DHRS2: variants seen among roughly 807,000 people sequenced by gnomAD.
DHRS2 encodes the protein dehydrogenase/reductase SDR family member 2, mitochondrial.
A neutral mutation model predicts 26.3 loss-of-function variants in DHRS2; 29 were observed. That is an observed-to-expected ratio of 1.10 (90% CI 0.82 to 1.50). The LOEUF is 1.50. Ranked by LOEUF, DHRS2 falls within the 40% of genes most tolerant of loss-of-function variation. DHRS2 has a pLI of 0.00. For missense variants in DHRS2, 439 were observed against 367.1 expected (o/e 1.20, Z -1.60); for synonymous variants, 164 against 151.3 (o/e 1.08, Z -0.62).
chr14:23,631,751 C>A (rs1378943869), upstream of DHRS2, among the ~76,000 whole-genome samples: 2 of 152,158 alleles, frequency 1.3e-5, no homozygotes, highest in African/African-American at 4.8e-5. Flanking sequence ...CTCCCAGGAC[C>A]TGTGGTCAAT....
intron 1 of DHRS2, chr14:23,638,430 G>C (rs962367987): frequency 4.8e-5 from 9 of 185,988 alleles, no homozygotes; most frequent in Non-Finnish European, 8.9e-5. Context: ...ATAATTATTT[G>C]TTGGTGCCTG....
At chr14:23,644,039 T>C in intron 5 of DHRS2, 72 bp from the exon 6 acceptor site, 1 of 1,461,524 alleles carries the variant, frequency 6.8e-7, no homozygotes. Flanking sequence ...CATCATTTAA[T>C]GAACTCATGA....
In DHRS2 at chr14:23,638,982, G is replaced by A. The variant is rs369492474; in HGVS notation, c.118G>A (p.Val40Met). Reference sequence around the variant, plus strand: ...GGGCGTCCTGGCTAACCGGGTAGCCGTGGTCACGGGGTCCACCAGTGGGTG... The same window carrying A: ...GGGCGTCCTGGCTAACCGGGTAGCCATGGTCACGGGGTCCACCAGTGGGTG... ...RKGVLANRVA[V>M]VTGSTSGIGF... The change falls in exon 2 of 9, where the codon GTG becomes ATG. Residue 40 changes from valine to methionine, a missense_variant. Val to Met is a conservative substitution (Grantham distance 21). Coordinates refer to ENST00000250383, the MANE Select transcript of DHRS2 (RefSeq NM_005794.4). 62 of 1,613,438 alleles carry A rather than the reference G, an allele frequency of 3.8e-5. No individual in the cohort carries two copies. In the Middle Eastern group the frequency reaches 5.4e-4, roughly 14 times the overall value.
chr14:23,644,645 C>T, intron 7 of DHRS2, 102 bp downstream of exon 7: 1 of 1,563,620 alleles, frequency 6.4e-7, no homozygotes, highest in Non-Finnish European at 8.8e-7. Flanking sequence ...GTCAGCATGC[C>T]TATGACTGAG....
upstream of DHRS2, among the ~76,000 whole-genome samples, chr14:23,631,760 A>C (rs1453609588): frequency 6.6e-6 from 1 of 152,172 alleles, no homozygotes; most frequent in Non-Finnish European, 1.5e-5. Flanking sequence ...CCTGTGGTCA[A>C]TTCTGCTGCA....
chr14:23,635,269 G>A (rs1890242086), upstream of DHRS2, among the ~76,000 whole-genome samples: 1 of 152,140 alleles, frequency 6.6e-6, no homozygotes, highest in South Asian at 2.1e-4. Context: ...GCCCAGGCTG[G>A]TCTCAAACTC....
chr14:23,644,629 C>G (rs1890802242), intron 7 of DHRS2, 86 bp downstream of exon 7: 1 of 1,596,448 alleles, frequency 6.3e-7, no homozygotes, highest in Non-Finnish European at 8.6e-7. Flanking sequence ...GTGACTGAAT[C>G]CTTAGGTCAG....
At chr14:23,644,228 G>C in intron 6 of DHRS2, 66 bp downstream of exon 6, 1 of 1,589,410 alleles carries the variant, frequency 6.3e-7, no homozygotes, top group South Asian at 1.1e-5. Context: ...CTTTTCCTCA[G>C]AGCCTTACAG....
upstream of DHRS2, chr14:23,636,362 G>A (rs190291142): frequency 1.2e-4 from 19 of 152,264 alleles, 1 homozygote; most frequent in African/African-American, 4.6e-4. Flanking sequence ...TGAGCCGGCA[G>A]CAGCAACCTG....
At chr14:23,634,325 C>T (rs1890206987), upstream of DHRS2, among the ~76,000 whole-genome samples, 1 of 152,052 alleles carries the variant, frequency 6.6e-6, no homozygotes, top group Non-Finnish European at 1.5e-5. Context: ...GCCTTGGCCT[C>T]CAAAGTGCTG....
chr14:23,642,695 TA>T (rs1890716116), intron 4 of DHRS2: 1 of 158,826 alleles, frequency 6.3e-6, no homozygotes, highest in African/African-American at 2.4e-5. Flanking sequence ...GCCTCCTGAG[TA>T]GCTAGGATTA....
chr14:23,631,656 C>T (rs1347629661), upstream of DHRS2, among the ~76,000 whole-genome samples: 7 of 152,152 alleles, frequency 4.6e-5, no homozygotes, highest in East Asian at 9.7e-4. Context: ...TTCAGCTTCC[C>T]CACCCCCAAA....
At chr14:23,637,463 C>A (rs1270576143) in intron 1 of DHRS2, among the ~76,000 whole-genome samples, 2 of 152,146 alleles carry the variant, frequency 1.3e-5, no homozygotes, top group African/African-American at 2.4e-5. Context: ...GAAATTGTAT[C>A]CTTCCTATTC....
At chr14:23,639,760 C>T in intron 3 of DHRS2, 34 bp from the exon 4 acceptor site, 1 of 1,569,028 alleles carries the variant, frequency 6.4e-7, no homozygotes, top group Non-Finnish European at 8.6e-7. Context: ...CCTCCTCAGG[C>T]CATCTCCACA....
chr14:23,641,813 G>A (rs1350627928), intron 4 of DHRS2: 56 of 1,276,362 alleles, frequency 4.4e-5, no homozygotes, highest in Non-Finnish European at 5.6e-5. Context: ...GGGATTGAGT[G>A]GGAGTGAGAT....
At chr14:23,644,933 G>C in intron 8 of DHRS2, 51 bp downstream of exon 8, 1 of 1,601,322 alleles carries the variant, frequency 6.2e-7, no homozygotes. Context: ...GGCAGGGGCA[G>C]TTGAGTCTAT....
rs1890735166 is a variant in DHRS2, at chr14:23,643,137, C to G, written c.421-15C>G. 6.2e-7 allele frequency: 1 copy of G among 1,613,908 alleles called. No homozygotes were observed. The highest frequency in any genetic ancestry group is 8.5e-7 in the Non-Finnish European group (1 of 1,179,906). ...ATGTCTCTCTGCCCTCACCCATGCTCTGCTCTGATTTCAGATCCTAAGTGT... is the reference window on the plus strand; with the variant it reads ...ATGTCTCTCTGCCCTCACCCATGCTGTGCTCTGATTTCAGATCCTAAGTGT... On this transcript the variant is annotated splice_polypyrimidine_tract_variant and intron_variant, in intron 4 of 8. Coordinates refer to ENST00000250383, the MANE Select transcript of DHRS2 (RefSeq NM_005794.4).
upstream of DHRS2, among the ~76,000 whole-genome samples, chr14:23,635,514 C>A (rs1458959005): frequency 6.6e-6 from 1 of 152,254 alleles, no homozygotes; most frequent in Non-Finnish European, 1.5e-5. Flanking sequence ...AGTCAGAGAT[C>A]TTTATTTTCA....
chr14:23,642,019 A>G, intron 4 of DHRS2: 2 of 1,106,620 alleles, frequency 1.8e-6, no homozygotes, highest in Non-Finnish European at 2.2e-6. Flanking sequence ...TTCCTCTTTC[A>G]CTTCTCCCCC....
Sources: allele counts gnomAD v4.1 joint callset (sites outside exome capture counted in the v4.1 genomes callset), GRCh38; gene constraint gnomAD v4.1.1; transcripts MANE v1.5; gene names NCBI Gene and HGNC (gene_info 2026-07-23, HGNC 2026-07-21).